Variants in CCDC191 observed in about 807,000 individuals in gnomAD.
The protein encoded by CCDC191 is coiled-coil domain-containing protein 191.
In CCDC191, 99 loss-of-function variants were observed where a neutral mutation model predicts 114.0. The ratio of observed to expected loss-of-function variants is 0.87; its 90% CI spans 0.74 to 1.03. The LOEUF (loss-of-function observed/expected upper bound fraction) is 1.03, where lower values mean the gene tolerates loss of function less well. Among genes scored for constraint, CCDC191 ranks in the 50% least tolerant of loss-of-function variants. The pLI, the probability that CCDC191 is intolerant of heterozygous loss-of-function variation, is 0.00. For missense variants in CCDC191, 973 were observed against 1,087.0 expected, an observed-to-expected ratio of 0.90 and a Z score of 1.47; for synonymous variants, 351 against 376.0, an observed-to-expected ratio of 0.93 and a Z score of 0.77.
chr3:113,978,636 C>A, intron 15 of CCDC191: 1 of 597,176 alleles, frequency 1.7e-6, no homozygotes, highest in Non-Finnish European at 2.9e-6. Context: ...TGATAACTTA[C>A]AGTTTATACA....
intron 13 of CCDC191, among the ~76,000 whole-genome samples, chr3:113,993,701 C>G (rs575332011): frequency 2.6e-5 from 4 of 151,866 alleles, no homozygotes; most frequent in African/African-American, 9.7e-5. Flanking sequence ...CCTGGACAAC[C>G]TGGTGAAACC....
At chr3:114,047,287 C>T in intron 2 of CCDC191, 1 of 213,338 alleles carries the variant, frequency 4.7e-6, no homozygotes, top group South Asian at 1.7e-4. Flanking sequence ...AAAAACATGA[C>T]CAAATTTGCA....
Position 113,965,229 on chromosome 3 carries a change from G to A in CCDC191, c.2737C>T (p.Pro913Ser). The A allele has an allele frequency of 1.2e-6, 2 of 1,612,086 alleles. No homozygotes were observed. Among genetic ancestry groups the A allele is most frequent in the South Asian group, 2.2e-5 (2 of 90,586 alleles). Residue 913 changes from proline to serine, a missense_variant, in exon 17 of 17, where the codon CCT becomes TCT. Pro to Ser is a moderately conservative substitution (Grantham distance 74). Coordinates refer to ENST00000295878, the MANE Select transcript of CCDC191 (RefSeq NM_020817.2). ...TGATATAGCTCGTGGTACCTTCCAG[G>A]TACCTGGAAGTCTGGAAGAATTTCA... ...VVEILPDFQV[P>S]GRYHELYQQS...
intron 14 of CCDC191, among the ~76,000 whole-genome samples, chr3:113,979,633 CT>C (rs1229917692): frequency 6.6e-6 from 1 of 152,202 alleles, no homozygotes; most frequent in East Asian, 1.9e-4. Flanking sequence ...GAAAAGCCTT[CT>C]CTCTTAGTCC....
At position 114,017,828 on chromosome 3, in the gene CCDC191, G is replaced by A. The variant is rs565197291; in HGVS notation, c.1163+850C>T. Reference sequence around the variant, plus strand: ...GTATACCTATATAACAAACCTGCACGTTCTGCACATCATTTATCACTTTTT... The same window carrying A: ...GTATACCTATATAACAAACCTGCACATTCTGCACATCATTTATCACTTTTT... On this transcript the variant is annotated intron_variant, in intron 8 of 16. Coordinates refer to ENST00000295878, the MANE Select transcript of CCDC191 (RefSeq NM_020817.2). 7.2e-5 allele frequency among the ~76,000 whole-genome samples: 11 copies of A among 152,206 alleles called. No homozygotes were observed. The East Asian group carries it at 1.4e-3, about 19-fold the overall frequency.
At chr3:113,976,616 A>G (rs1450968509) in intron 16 of CCDC191, among the ~76,000 whole-genome samples, 1 of 151,978 alleles carries the variant, frequency 6.6e-6, no homozygotes, top group African/African-American at 2.4e-5. Context: ...GTTTAATAAT[A>G]ATATATTCAC....
chr3:114,043,288 C>T (rs951548836), intron 3 of CCDC191, among the ~76,000 whole-genome samples: 1 of 151,966 alleles, frequency 6.6e-6, no homozygotes, highest in African/African-American at 2.4e-5. Context: ...CCAGTGTGGT[C>T]AGAGAGAAGT....
chr3:113,984,341 A>C (rs1264679680), intron 13 of CCDC191: 1 of 152,180 alleles, frequency 6.6e-6, no homozygotes, highest in African/African-American at 2.4e-5. Context: ...GAGTTCAACC[A>C]AACACATCTA....
intron 6 of CCDC191, among the ~76,000 whole-genome samples, chr3:114,033,212 C>T (rs2076433908): frequency 6.6e-6 from 1 of 151,944 alleles, no homozygotes; most frequent in Admixed American, 6.6e-5. Context: ...ATTCTCCTGC[C>T]TCAGCCTCCC....
chr3:114,024,771 G>C (rs370393908), intron 7 of CCDC191, among the ~76,000 whole-genome samples: 1 of 151,922 alleles, frequency 6.6e-6, no homozygotes, highest in Non-Finnish European at 1.5e-5. Flanking sequence ...TAATGGGTGC[G>C]GCACACCAAC....
intron 3 of CCDC191, among the ~76,000 whole-genome samples, chr3:114,044,514 G>A (rs952750168): frequency 6.6e-6 from 1 of 152,154 alleles, no homozygotes; most frequent in Non-Finnish European, 1.5e-5. Context: ...AGGGAATGGG[G>A]TGTTTACATT....
chr3:114,054,961 C>T lies in CCDC191; in HGVS notation c.91-1326G>A, dbSNP rs531533415. On this transcript the variant is annotated intron_variant, in intron 1 of 16. Transcript: ENST00000295878. ...GAGCACTAAATCTCTTTTGGTTTGG[C>T]GTTCCCAGTTCATGAATTGCTTCTT... Among the ~76,000 whole-genome samples, 14 of 151,766 alleles carry T rather than the reference C, an allele frequency of 9.2e-5. 1 individual carries two copies. The South Asian group carries it at 2.7e-3, about 29-fold the overall frequency.
rs2075920864 is a variant in CCDC191 at position 114,004,803 on chromosome 3, C to G, written c.1869-57G>C. The G allele has an allele frequency of 1.9e-6, 3 of 1,562,858 alleles. No individual in the cohort carries two copies. In the Admixed American group the frequency reaches 5.5e-5, roughly 29 times the overall value. Reference sequence around the variant, plus strand: ...CTACTAACCAGTTTCCTTCAAACTCCTTTGACCTGAGATGCTCAAAGCCTT... The same window carrying G: ...CTACTAACCAGTTTCCTTCAAACTCGTTTGACCTGAGATGCTCAAAGCCTT... On this transcript the variant is annotated intron_variant, in intron 10 of 16. Coordinates refer to ENST00000295878, the MANE Select transcript of CCDC191 (RefSeq NM_020817.2).
chr3:114,006,979 T>C (rs1577402475), intron 9 of CCDC191, among the ~76,000 whole-genome samples: 1 of 152,134 alleles, frequency 6.6e-6, no homozygotes, highest in Non-Finnish European at 1.5e-5. Flanking sequence ...GTGGGAAATA[T>C]TTGGAAGCTC....
Position 113,978,941 on chromosome 3 carries a change from C to G in CCDC191, c.2377G>C (p.Glu793Gln). ...TGGGCCATCTTTCTAGCCAGACTTT[C>G]CTGACTACGCTGGAACCACGTCAGC... ...YMLTWFQRSQESLARKMAQAD... is the reference protein window; with the variant it reads ...YMLTWFQRSQQSLARKMAQAD... The change falls in exon 15 of 17, where the codon GAA (glutamate) becomes CAA (glutamine). Residue 793 changes from glutamate (E) to glutamine (Q), a missense_variant. Transcript: ENST00000295878. 4 of 1,614,064 alleles carry G rather than the reference C, an allele frequency of 2.5e-6. No individual in the cohort carries two copies. Among genetic ancestry groups the G allele is most frequent in the Non-Finnish European group, 3.4e-6 (4 of 1,179,950 alleles).
In CCDC191 at chr3:114,036,799, G is replaced by T; in HGVS notation, c.416-13C>A. The T allele has an allele frequency of 6.7e-7, 1 of 1,490,208 alleles. No homozygotes were observed. The highest frequency in any genetic ancestry group is 1.4e-5 in the African/African-American group (1 of 69,538). The allele number at this position is 1,490,208 out of a possible 1,614,324, so 92.3% of individuals were successfully genotyped here. A position where few individuals can be genotyped will look rare whatever the true frequency, so the allele number is the denominator to read the frequency against. ...TAGCCACATAAATCTGGGGGAAACA[G>T]AACAACAAAAAAGGGAATTTTTTTA... On this transcript the variant is annotated splice_polypyrimidine_tract_variant and intron_variant, in intron 4 of 16. Transcript: ENST00000295878.
intron 1 of CCDC191, 82 bp downstream of exon 1, chr3:114,056,295 C>T (rs2076779151): frequency 1.5e-6 from 2 of 1,347,982 alleles, no homozygotes; most frequent in African/African-American, 1.4e-5. Flanking sequence ...AGGCAGGAAG[C>T]ACAGACGGGC....
chr3:114,056,122 A>C (rs958339402), intron 1 of CCDC191, among the ~76,000 whole-genome samples: 2 of 152,174 alleles, frequency 1.3e-5, no homozygotes, highest in Non-Finnish European at 2.9e-5. Context: ...GATGGGCATT[A>C]GCAGACACCT....
chr3:114,002,508 T>C lies in CCDC191; in HGVS notation c.2009A>G (p.Glu670Gly), dbSNP rs769640813. 33 of 1,611,420 alleles carry C rather than the reference T, an allele frequency of 2.0e-5. No individual in the cohort carries two copies. The highest frequency in any genetic ancestry group is 1.8e-4 in the Admixed American group (11 of 59,692). The change falls in exon 12 of 17, where the codon GAA becomes GGA. Residue 670 changes from glutamate (E) to glycine (G), a missense_variant. Physicochemically the swap from Glu to Gly is moderately conservative, Grantham distance 98. Coordinates refer to ENST00000295878, the MANE Select transcript of CCDC191 (RefSeq NM_020817.2). ...CTTCTCTGCCAAGATCCGCCTACAT[T>C]CAGCTCGTTGAATTGCTCTCTCTTC... ...AMEERAIQRA[E>G]CRRILAEKKK... is the part of the protein sequence containing the mutation.
Sources: gnomAD v4.1 joint callset for allele counts (sites outside exome capture counted in the v4.1 genomes callset) on GRCh38, gnomAD v4.1.1 for gene constraint, MANE v1.5 for transcripts, NCBI Gene and HGNC (gene_info 2026-07-23, HGNC 2026-07-21) for gene names.